Variants in DLG2 observed in about 807,000 individuals in gnomAD.
DLG2 encodes disks large homolog 2.
Under a neutral mutation model 132.5 loss-of-function variants are expected in DLG2, and 45 were observed. The ratio of observed to expected loss-of-function variants is 0.34; its 90% confidence interval spans 0.27 to 0.44. DLG2 has a LOEUF of 0.44. DLG2 is among the 20% of genes least tolerant of loss of function. DLG2 has a pLI of 1.00. For missense variants in DLG2, 1,045 were observed against 1,196.9 expected (o/e 0.87, Z 1.87); for synonymous variants, 424 against 419.6 (o/e 1.01, Z -0.13).
intron 3 of DLG2, among the ~76,000 whole-genome samples, chr11:85,595,045 AC>A (rs2079638276): frequency 6.7e-6 from 1 of 149,122 alleles, no homozygotes; most frequent in Admixed American, 6.7e-5. Context: ...AGCCTGGGCA[AC>A]AGAGTGAGAC....
chr11:84,783,668 A>G (rs2072252865), intron 6 of DLG2, among the ~76,000 whole-genome samples: 2 of 152,204 alleles, frequency 1.3e-5, no homozygotes, highest in Non-Finnish European at 1.5e-5. Context: ...CAAAAGATCT[A>G]TAAAGGTAAT....
chr11:85,546,084 G>C (rs1396148122), intron 3 of DLG2, among the ~76,000 whole-genome samples: 2 of 152,074 alleles, frequency 1.3e-5, no homozygotes, highest in African/African-American at 2.4e-5. Context: ...TGTGATGGTA[G>C]GGTGTTGATT....
rs2055258741 is a variant in DLG2 at position 83,833,759 on chromosome 11, T to C, written c.1577A>G (p.Lys526Arg). ...RAVSLEGEPR[K>R]VVLHKGSTGL... ...AGTGGAGCCTTTGTGCAGGACTACC[T>C]TGCGAGGCTCTCTGCAGAAAGAAAT... Residue 526 changes from lysine (K) to arginine (R), a missense_variant, in exon 17 of 28, where the codon AAG becomes AGG. Around this residue, in one of 4 missense-constraint regions of DLG2, gnomAD observed 261 missense variants for 256.1 expected, o/e 1.02. Coordinates refer to ENST00000376104, the MANE Select transcript of DLG2 (RefSeq NM_001142699.3). The C allele has an allele frequency of 6.2e-7, 1 of 1,613,692 alleles. No individual in the cohort carries two copies. The highest frequency in any genetic ancestry group is 1.7e-5 in the Admixed American group (1 of 59,942).
chr11:84,447,209 TG>T (rs942186483), intron 7 of DLG2, among the ~76,000 whole-genome samples: 1 of 152,142 alleles, frequency 6.6e-6, no homozygotes, highest in Admixed American at 6.6e-5. Flanking sequence ...CTTTATAAAA[TG>T]GGGGTAATAA....
intron 6 of DLG2, among the ~76,000 whole-genome samples, chr11:84,790,980 C>A (rs892459933): frequency 6.6e-6 from 1 of 152,110 alleles, no homozygotes; most frequent in Non-Finnish European, 1.5e-5. Context: ...TAAAGAACTG[C>A]CTGAGACTGG....
intron 19 of DLG2, among the ~76,000 whole-genome samples, chr11:83,562,073 G>C (rs1337712286): frequency 1.3e-5 from 2 of 151,668 alleles, no homozygotes; most frequent in African/African-American, 4.8e-5. Context: ...ATTTTTAGTA[G>C]AGACAGGGTT....
chr11:85,565,838 T>C (rs184073713), intron 3 of DLG2, among the ~76,000 whole-genome samples: 3 of 152,130 alleles, frequency 2.0e-5, no homozygotes, highest in African/African-American at 7.2e-5. Flanking sequence ...TGTGTAAATA[T>C]ATATATTTTC....
At chr11:84,219,615 T>A (rs2096886768) in intron 8 of DLG2, among the ~76,000 whole-genome samples, 1 of 152,212 alleles carries the variant, frequency 6.6e-6, no homozygotes, top group Non-Finnish European at 1.5e-5. Flanking sequence ...TTCACTGAAC[T>A]ATTTGCGGAT....
intron 6 of DLG2, among the ~76,000 whole-genome samples, chr11:84,899,905 G>A (rs139318418): frequency 1.3e-5 from 2 of 151,910 alleles, no homozygotes; most frequent in South Asian, 2.1e-4. Flanking sequence ...AGACCACTGG[G>A]GTACCATTTG....
intron 9 of DLG2, among the ~76,000 whole-genome samples, chr11:84,112,294 G>A (rs945379275): frequency 2.0e-5 from 3 of 147,774 alleles, no homozygotes; most frequent in Non-Finnish European, 3.0e-5. Flanking sequence ...CACCGCATCC[G>A]GCCTTTTTTT....
At chr11:83,888,058 C>T (rs2068482525) in intron 15 of DLG2, among the ~76,000 whole-genome samples, 1 of 144,936 alleles carries the variant, frequency 6.9e-6, no homozygotes, top group Non-Finnish European at 1.5e-5. Context: ...GATGCCCTCT[C>T]TCACCACTCC....
At chr11:84,515,276 TACACACACACAC>T (rs142638064) in intron 7 of DLG2, among the ~76,000 whole-genome samples, 9 of 141,848 alleles carry the variant, frequency 6.3e-5, no homozygotes, top group African/African-American at 1.8e-4. Context: ...TGAACTTAAA[TACACACACACAC>T]ACACACACAC....
intron 3 of DLG2, among the ~76,000 whole-genome samples, chr11:85,332,049 C>G (rs1009496815): frequency 6.6e-6 from 1 of 152,142 alleles, no homozygotes; most frequent in African/African-American, 2.4e-5. Flanking sequence ...AAACAGCTTT[C>G]CATGGTGGCT....
intron 20 of DLG2, among the ~76,000 whole-genome samples, chr11:83,534,168 C>T (rs770193091): frequency 2.0e-5 from 3 of 152,186 alleles, no homozygotes; most frequent in Non-Finnish European, 4.4e-5. Context: ...GGAACAGTCT[C>T]CATGTCAGCA....
chr11:83,769,083 A>G (rs2094270500), intron 18 of DLG2, among the ~76,000 whole-genome samples: 1 of 152,240 alleles, frequency 6.6e-6, no homozygotes, highest in Non-Finnish European at 1.5e-5. Context: ...CAAGTATTAT[A>G]ACTAGTTACT....
intron 5 of DLG2, among the ~76,000 whole-genome samples, chr11:85,144,294 C>G (rs186221271): frequency 7.7e-4 from 115 of 149,828 alleles, no homozygotes; most frequent in African/African-American, 2.7e-3. Context: ...TTTTTCCATC[C>G]CTTTAATTTC....
At chr11:83,994,365 T>C (rs1015896310) in intron 11 of DLG2, among the ~76,000 whole-genome samples, 1 of 151,990 alleles carries the variant, frequency 6.6e-6, no homozygotes, top group Admixed American at 6.6e-5. Flanking sequence ...TGCCCAGGGG[T>C]TTTATGGACA....
At chr11:83,773,563 G>A (rs1446045329) in intron 18 of DLG2, among the ~76,000 whole-genome samples, 5 of 152,212 alleles carry the variant, frequency 3.3e-5, no homozygotes, top group African/African-American at 1.2e-4. Flanking sequence ...AGGAGTGTCA[G>A]AATCATTCTT....
At chr11:84,599,307 G>A (rs1041945863) in intron 6 of DLG2, among the ~76,000 whole-genome samples, 6 of 152,072 alleles carry the variant, frequency 3.9e-5, no homozygotes, top group Non-Finnish European at 5.9e-5. Context: ...CTTGTTTTAC[G>A]AGGGACTATG....
Sources: gnomAD v4.1 joint callset for allele counts (sites outside exome capture counted in the v4.1 genomes callset) on GRCh38, gnomAD v4.1.1 for gene constraint, gnomAD v4.1.1 regional missense constraint, MANE v1.5 for transcripts, NCBI Gene and HGNC (gene_info 2026-07-23, HGNC 2026-07-21) for gene names.